The following SLC4A7 variants were observed in gnomAD, a reference collection of about 807,000 sequenced individuals.
SLC4A7 encodes solute carrier family 4 member 7.
A neutral mutation model predicts 137.6 loss-of-function variants in SLC4A7; 51 were observed. The ratio of observed to expected loss-of-function variants is 0.37; its 90% confidence interval spans 0.30 to 0.47. SLC4A7 has a LOEUF of 0.47. SLC4A7 is among the 20% of genes least tolerant of loss of function. The pLI, the probability that SLC4A7 is intolerant of heterozygous loss-of-function variation, is 1.00. For synonymous variants in SLC4A7, 542 were observed against 518.6 expected (o/e 1.05, Z -0.61); for missense variants, 1,247 against 1,525.4 (o/e 0.82, Z 3.04).
At chr3:27,399,721 G>A (rs932174942) in intron 16 of SLC4A7, among the ~76,000 whole-genome samples, 2 of 152,126 alleles carry the variant, frequency 1.3e-5, no homozygotes, top group Non-Finnish European at 2.9e-5. Context: ...CACCATGCTT[G>A]GCAATTTTTA....
intron 3 of SLC4A7, among the ~76,000 whole-genome samples, chr3:27,445,763 C>CAAAA (rs71087607): frequency 1.0e-5 from 1 of 99,640 alleles, no homozygotes; most frequent in Non-Finnish European, 1.9e-5. Context: ...ACTAAAAATA[C>CAAAA]AAAAAAAAAA....
intron 2 of SLC4A7, among the ~76,000 whole-genome samples, chr3:27,451,036 C>T (rs973264130): frequency 2.1e-4 from 32 of 151,804 alleles, no homozygotes; most frequent in Non-Finnish European, 2.1e-4. Flanking sequence ...TTTTAACCTC[C>T]CTAGCTCCTA....
intron 22 of SLC4A7, among the ~76,000 whole-genome samples, chr3:27,388,904 C>T (rs3856674): frequency 0.18 from 22,174 of 120,388 alleles, 1,861 homozygotes; most frequent in Admixed American, 0.31. Context: ...TGGCCCTTTA[C>T]AGAAAAAGTT....
intron 9 of SLC4A7, 104 bp from the exon 10 acceptor site, chr3:27,420,891 C>A: frequency 1.4e-6 from 1 of 721,076 alleles, no homozygotes; most frequent in Non-Finnish European, 2.3e-6. Flanking sequence ...AGAAACAACA[C>A]TCAGACATCT....
intron 13 of SLC4A7, among the ~76,000 whole-genome samples, chr3:27,408,404 T>C (rs1405487879): frequency 2.0e-5 from 3 of 152,224 alleles, no homozygotes; most frequent in Admixed American, 1.3e-4. Context: ...AATATGGACC[T>C]TTGATACAAT....
chr3:27,441,830 T>C (rs1369601167), intron 3 of SLC4A7, among the ~76,000 whole-genome samples: 1 of 152,130 alleles, frequency 6.6e-6, no homozygotes, highest in Non-Finnish European at 1.5e-5. Flanking sequence ...TTAGAGGAAC[T>C]TGTCCATTTC....
Position 27,403,209 on chromosome 3 carries a change from T to C in SLC4A7, c.2251A>G (p.Lys751Glu), listed in dbSNP as rs1199227742. ...TATGTTTCTCCTAAATCAAAGAGCT[T>C]CTCCAAAGCCTCGTAGATGAATATG... is the stretch of plus-strand genomic sequence containing the variant. ...CIIFIYEALE[K>E]LFDLGETYAF... is the part of the protein sequence containing the mutation. The change falls in exon 15 of 26, where the codon AAG becomes GAG. Residue 751 changes from lysine (K) to glutamate (E), a missense_variant. By Grantham distance (56) the Lys-to-Glu change is moderately conservative. Transcript: ENST00000454389. 6.2e-7 allele frequency: 1 copy of C among 1,613,886 alleles called. No homozygotes were observed. Among genetic ancestry groups the C allele is most frequent in the Non-Finnish European group, 8.5e-7 (1 of 1,179,926 alleles).
At chr3:27,378,944 C>A (rs1289596047) in intron 25 of SLC4A7, among the ~76,000 whole-genome samples, 1 of 151,980 alleles carries the variant, frequency 6.6e-6, no homozygotes, top group Non-Finnish European at 1.5e-5. Flanking sequence ...ACTCTTGTCC[C>A]CCAGGCTGGA....
At chr3:27,413,156 C>T (rs1428468943) in intron 11 of SLC4A7, among the ~76,000 whole-genome samples, 2 of 152,058 alleles carry the variant, frequency 1.3e-5, no homozygotes, top group African/African-American at 2.4e-5. Context: ...CTACATATAA[C>T]TCCATGCAAA....
intron 7 of SLC4A7, among the ~76,000 whole-genome samples, chr3:27,429,983 C>T (rs893230880): frequency 1.3e-5 from 2 of 151,990 alleles, no homozygotes; most frequent in South Asian, 2.1e-4. Context: ...TGGGAGGCTA[C>T]GGCAGGAGGA....
chr3:27,443,024 C>CTTTTTTTTTTTTTTTTTTTTTTTTT lies in SLC4A7; in HGVS notation c.290-5499_290-5498insAAAAAAAAAAAAAAAAAAAAAAAAA, dbSNP rs1156950293. On this transcript the variant is annotated intron_variant, in intron 3 of 25. Transcript: ENST00000454389. ...CACCGCGCTGGGCATTCTCTTTTTT[C>CTTTTTTTTTTTTTTTTTTTTTTTTT]TTTTTTTCTTTTTTTTTTTTTTTTT... is the stretch of plus-strand genomic sequence containing the variant. 2.0e-5 allele frequency among the ~76,000 whole-genome samples: 2 copies of CTTTTTTTTTTTTTTTTTTTTTTTTT among 102,142 alleles called. 1 individual carries two copies. The highest frequency in any genetic ancestry group is 3.8e-5 in the Non-Finnish European group (2 of 52,486). 67.0% of individuals were successfully genotyped at this position (102,142 alleles called of 152,430 possible). A position where few individuals can be genotyped will look rare whatever the true frequency, so the allele number is the denominator to read the frequency against.
At chr3:27,421,591 T>C in intron 9 of SLC4A7, 31 bp downstream of exon 9, 1 of 1,555,038 alleles carries the variant, frequency 6.4e-7, no homozygotes. Flanking sequence ...TGAAAATGCT[T>C]AGAGAATGTT....
intron 9 of SLC4A7, among the ~76,000 whole-genome samples, chr3:27,421,094 C>T (rs902118580): frequency 6.6e-6 from 1 of 151,826 alleles, no homozygotes; most frequent in African/African-American, 2.4e-5. Context: ...TGTGCCCAGC[C>T]GATATTTATT....
chr3:27,446,572 A>G (rs939685654), intron 3 of SLC4A7, among the ~76,000 whole-genome samples: 1 of 152,174 alleles, frequency 6.6e-6, no homozygotes, highest in Non-Finnish European at 1.5e-5. Flanking sequence ...TAAGTAAACA[A>G]TATTTCTGTC....
At chr3:27,386,105 T>G (rs992809243) in intron 22 of SLC4A7, 82 bp from the exon 23 acceptor site, 2 of 1,149,334 alleles carry the variant, frequency 1.7e-6, no homozygotes, top group African/African-American at 3.4e-5. Context: ...ATTTATTAAA[T>G]CTTATAAAAA....
chr3:27,435,170 C>T (rs2056634939), intron 5 of SLC4A7, among the ~76,000 whole-genome samples: 2 of 152,198 alleles, frequency 1.3e-5, no homozygotes, highest in Admixed American at 6.5e-5. Flanking sequence ...TTAAATACTA[C>T]AGATTTTTTG....
intron 23 of SLC4A7, 50 bp downstream of exon 23, chr3:27,385,842 A>G (rs752887021): frequency 1.5e-6 from 2 of 1,309,514 alleles, no homozygotes; most frequent in South Asian, 2.7e-5. Flanking sequence ...AATATGGTGC[A>G]AAATATTAAA....
chr3:27,446,329 A>T (rs1270028135), intron 3 of SLC4A7, among the ~76,000 whole-genome samples: 2 of 152,142 alleles, frequency 1.3e-5, no homozygotes, highest in Non-Finnish European at 2.9e-5. Flanking sequence ...CCCTTTAGAG[A>T]GCAAAAACGA....
intron 1 of SLC4A7, chr3:27,456,958 G>A (rs1018627094): frequency 7.1e-6 from 7 of 983,292 alleles, no homozygotes; most frequent in African/African-American, 3.5e-5. Flanking sequence ...GCAGCAATCC[G>A]TTTTCAACTG....
Sources: gnomAD v4.1 joint callset for allele counts (sites outside exome capture counted in the v4.1 genomes callset) on GRCh38, gnomAD v4.1.1 for gene constraint, MANE v1.5 for transcripts, NCBI Gene and HGNC (gene_info 2026-07-23, HGNC 2026-07-21) for gene names.